The following GPC6 variants were observed in gnomAD, a reference collection of about 807,000 sequenced individuals.
GPC6 encodes glypican 6.
A neutral mutation model predicts 55.2 loss-of-function variants in GPC6; 14 were observed. The observed-to-expected ratio is 0.25, with a 90% confidence interval of 0.17 to 0.40. GPC6 has a LOEUF of 0.40. GPC6 is among the 10% of genes least tolerant of loss of function. GPC6 has a pLI of 1.00. For missense variants in GPC6, 641 were observed against 708.5 expected, an observed-to-expected ratio of 0.90 and a Z score of 1.08; for synonymous variants, 278 against 259.6, an observed-to-expected ratio of 1.07 and a Z score of -0.68.
intron 2 of GPC6, among the ~76,000 whole-genome samples, chr13:93,797,802 G>A (rs924143958): frequency 6.6e-6 from 1 of 152,142 alleles, no homozygotes; most frequent in Admixed American, 6.5e-5. Context: ...CAGTCCACAA[G>A]GCTGTGTTTT....
chr13:93,796,678 A>G (rs1417433941), intron 2 of GPC6, among the ~76,000 whole-genome samples: 1 of 152,190 alleles, frequency 6.6e-6, no homozygotes, highest in Non-Finnish European at 1.5e-5. Flanking sequence ...CTCTCCTTAC[A>G]TGAAGCTATG....
intron 3 of GPC6, among the ~76,000 whole-genome samples, chr13:93,973,123 C>T (rs182262183): frequency 5.9e-5 from 9 of 152,234 alleles, no homozygotes; most frequent in Admixed American, 2.0e-4. Context: ...GTGTAAACAT[C>T]GTAGAGTGTA....
intron 1 of GPC6, among the ~76,000 whole-genome samples, chr13:93,520,769 G>T (rs1378667611): frequency 6.6e-6 from 1 of 151,634 alleles, no homozygotes; most frequent in South Asian, 2.1e-4. Flanking sequence ...AACTATACAG[G>T]CATGGAGATG....
At chr13:93,570,021 C>T (rs1876327307) in intron 2 of GPC6, among the ~76,000 whole-genome samples, 1 of 152,038 alleles carries the variant, frequency 6.6e-6, no homozygotes, top group African/African-American at 2.4e-5. Flanking sequence ...TGTAAATATA[C>T]CACATTATTT....
intron 3 of GPC6, among the ~76,000 whole-genome samples, chr13:93,971,407 C>G (rs766736583): frequency 4.6e-5 from 7 of 152,106 alleles, no homozygotes; most frequent in Non-Finnish European, 1.0e-4. Context: ...ATAGTCTAAG[C>G]TCAGGCAAAT....
At chr13:93,311,574 G>A (rs976686910) in intron 1 of GPC6, among the ~76,000 whole-genome samples, 5 of 152,124 alleles carry the variant, frequency 3.3e-5, no homozygotes, top group African/African-American at 1.2e-4. Flanking sequence ...GCCCTACACA[G>A]TCTATTGTAA....
At chr13:93,367,448 C>T (rs1401607105) in intron 1 of GPC6, among the ~76,000 whole-genome samples, 7 of 151,966 alleles carry the variant, frequency 4.6e-5, no homozygotes, top group South Asian at 2.1e-4. Context: ...TTTTCTATTT[C>T]GTTGGTTTCT....
At chr13:94,400,903 G>A (rs141709547) in intron 8 of GPC6, among the ~76,000 whole-genome samples, 26 of 152,298 alleles carry the variant, frequency 1.7e-4, no homozygotes, top group African/African-American at 6.0e-4. Flanking sequence ...ATTTTTACGG[G>A]TGAGGAAACG....
At chr13:94,295,384 T>C (rs965426625) in intron 5 of GPC6, among the ~76,000 whole-genome samples, 2 of 152,200 alleles carry the variant, frequency 1.3e-5, no homozygotes, top group Non-Finnish European at 2.9e-5. Context: ...TAAAGAGCAC[T>C]GACTCATTGG....
intron 4 of GPC6, among the ~76,000 whole-genome samples, chr13:94,280,392 A>G (rs1483910255): frequency 6.6e-6 from 1 of 152,146 alleles, no homozygotes; most frequent in Non-Finnish European, 1.5e-5. Context: ...TGTACTCCTC[A>G]GTCCCCTCTA....
intron 3 of GPC6, among the ~76,000 whole-genome samples, chr13:94,022,681 G>A (rs952599523): frequency 6.6e-6 from 1 of 151,710 alleles, no homozygotes; most frequent in Admixed American, 6.6e-5. Context: ...TTCTTTAATG[G>A]CCACATCAAT....
intron 3 of GPC6, among the ~76,000 whole-genome samples, chr13:93,855,931 C>G (rs960573224): frequency 7.3e-5 from 11 of 151,566 alleles, no homozygotes; most frequent in African/African-American, 2.7e-4. Context: ...TTTTGGATAA[C>G]AGTATTTTAT....
intron 1 of GPC6, among the ~76,000 whole-genome samples, chr13:93,420,249 A>T (rs1876877865): frequency 6.6e-6 from 1 of 152,172 alleles, no homozygotes; most frequent in Non-Finnish European, 1.5e-5. Context: ...GTTTCTTTAT[A>T]AATATATGTA....
At chr13:93,533,756 C>A (rs1881952476) in intron 1 of GPC6, among the ~76,000 whole-genome samples, 1 of 152,068 alleles carries the variant, frequency 6.6e-6, no homozygotes. Context: ...GTTGATGGAA[C>A]TATTTCTTCT....
intron 1 of GPC6, among the ~76,000 whole-genome samples, chr13:93,341,057 C>A (rs181986679): frequency 5.2e-4 from 79 of 152,306 alleles, no homozygotes; most frequent in African/African-American, 1.8e-3. Flanking sequence ...CCTCCAGCTC[C>A]ATCCAAGTTG....
chr13:93,781,748 A>G (rs930645314), intron 2 of GPC6, among the ~76,000 whole-genome samples: 5 of 152,174 alleles, frequency 3.3e-5, no homozygotes, highest in African/African-American at 1.2e-4. Flanking sequence ...AATATTTTAT[A>G]TGTACTTTTC....
intron 8 of GPC6, 98 bp from the exon 9 acceptor site, chr13:94,402,917 G>A (rs554449375): frequency 1.1e-5 from 10 of 909,022 alleles, no homozygotes; most frequent in Non-Finnish European, 1.8e-5. Flanking sequence ...TGACAGGTGG[G>A]GATTATGGGG....
intron 4 of GPC6, among the ~76,000 whole-genome samples, chr13:94,177,302 A>G (rs535616007): frequency 6.6e-6 from 1 of 152,344 alleles, no homozygotes; most frequent in African/African-American, 2.4e-5. Context: ...CAATGTCAGG[A>G]TATCAACATT....
chr13:93,350,263 C>T (rs1242691873), intron 1 of GPC6, among the ~76,000 whole-genome samples: 1 of 151,932 alleles, frequency 6.6e-6, no homozygotes, highest in Non-Finnish European at 1.5e-5. Context: ...GGTGAAACCC[C>T]ATCTCTACTA....
Sources: allele counts gnomAD v4.1 joint callset (sites outside exome capture counted in the v4.1 genomes callset), GRCh38; gene constraint gnomAD v4.1.1; transcripts MANE v1.5; gene names NCBI Gene and HGNC (gene_info 2026-07-23, HGNC 2026-07-21).